Variants in RASGRF1 observed in about 807,000 individuals in gnomAD.
RASGRF1 encodes the protein ras-specific guanine nucleotide-releasing factor 1.
A neutral mutation model predicts 138.7 loss-of-function variants in RASGRF1; 40 were observed. The observed-to-expected ratio is 0.29, with a 90% confidence interval of 0.22 to 0.38. The LOEUF (loss-of-function observed/expected upper bound fraction) is 0.38. RASGRF1 is among the 10% of genes least tolerant of loss of function. The pLI is 1.00. For missense variants in RASGRF1, 1,108 were observed against 1,650.4 expected (o/e 0.67, Z 5.69); for synonymous variants, 614 against 663.2 (o/e 0.93, Z 1.14).
At chr15:79,011,626 C>T (rs2072306839) in intron 13 of RASGRF1, among the ~76,000 whole-genome samples, 3 of 152,178 alleles carry the variant, frequency 2.0e-5, no homozygotes, top group South Asian at 4.1e-4. Context: ...CGTCCCTATA[C>T]CAGAGAGAGG....
chr15:79,076,974 G>T lies in RASGRF1; in HGVS notation c.277-12448C>A, dbSNP rs1043631970. The stretch of plus-strand genomic sequence containing the variant: ...AATAGCAAAAGCCACAAAGAGGGTG[G>T]TATTGAATATACCCCTCAGGCATGG... On this transcript the variant is annotated intron_variant, in intron 1 of 26. Transcript: ENST00000558480. 3.9e-5 allele frequency among the ~76,000 whole-genome samples: 6 copies of T among 152,176 alleles called. No homozygotes were observed. The East Asian group carries it at 5.8e-4, about 15-fold the overall frequency.
At chr15:79,029,142 G>A (rs1176660440) in intron 8 of RASGRF1, among the ~76,000 whole-genome samples, 9 of 152,182 alleles carry the variant, frequency 5.9e-5, no homozygotes, top group Non-Finnish European at 1.3e-4. Flanking sequence ...AAATTCACTA[G>A]ACTAGCCCTT....
chr15:79,017,066 G>A (rs1332505744), intron 12 of RASGRF1, among the ~76,000 whole-genome samples: 1 of 152,194 alleles, frequency 6.6e-6, no homozygotes, highest in Non-Finnish European at 1.5e-5. Context: ...CTGTCCTGGG[G>A]CCTAAACCCC....
chr15:79,056,966 C>G lies in RASGRF1; in HGVS notation c.531+1368G>C, dbSNP rs1453187508. On this transcript the variant is annotated intron_variant, in intron 3 of 26. Transcript: ENST00000558480. Reference sequence around the variant, plus strand: ...TGAGCACACTGCAGGTTCTTGGAGCCTTGGTTCATGCATGTTCCTACCTCC... The same window carrying G: ...TGAGCACACTGCAGGTTCTTGGAGCGTTGGTTCATGCATGTTCCTACCTCC... Among the ~76,000 whole-genome samples, 4 of 152,200 alleles carry G rather than the reference C, an allele frequency of 2.6e-5. No individual in the cohort carries two copies. The East Asian group carries it at 7.7e-4, about 29-fold the overall frequency.
intron 15 of RASGRF1, among the ~76,000 whole-genome samples, chr15:79,002,665 T>C (rs1437635631): frequency 1.3e-5 from 2 of 152,228 alleles, no homozygotes; most frequent in Non-Finnish European, 2.9e-5. Flanking sequence ...TTGCGTTACA[T>C]TTCAGAATGT....
rs1244650863 is a variant in RASGRF1, at chr15:79,032,343, G to A, written c.959-27C>T. On this transcript the variant is annotated intron_variant, in intron 6 of 26. Coordinates refer to ENST00000558480, the MANE Select transcript of RASGRF1 (RefSeq NM_001145648.3). The surrounding 1 kb of genome is among the most constrained non-coding windows in gnomAD (Gnocchi z 4.5). ...TGGAAGGACGAGGCAGTCAGCGGGT[G>A]GCTAGGGCAGCTTGGTGGGGACAGA... 9 of 1,609,126 alleles carry A rather than the reference G, an allele frequency of 5.6e-6. No homozygotes were observed. The African/African-American group carries it at 1.2e-4, about 22-fold the overall frequency.
At chr15:79,019,091 A>C (rs963637064) in intron 11 of RASGRF1, among the ~76,000 whole-genome samples, 3 of 151,270 alleles carry the variant, frequency 2.0e-5, no homozygotes, top group African/African-American at 7.3e-5. Context: ...GTGTTTGCCA[A>C]GCGTGTGTGT....
intron 9 of RASGRF1, among the ~76,000 whole-genome samples, chr15:79,026,784 C>A (rs1166448756): frequency 1.3e-5 from 2 of 152,128 alleles, no homozygotes; most frequent in South Asian, 2.1e-4. Flanking sequence ...TCAGAGGGGG[C>A]CTAAAATACT....
intron 16 of RASGRF1, among the ~76,000 whole-genome samples, chr15:79,001,007 C>G (rs1039086763): frequency 9.2e-5 from 14 of 152,204 alleles, no homozygotes; most frequent in Admixed American, 7.9e-4. Context: ...GGAGCTCTCT[C>G]TCACCATTGG....
At chr15:78,989,865 C>T (rs999480902) in intron 22 of RASGRF1, among the ~76,000 whole-genome samples, 12 of 152,338 alleles carry the variant, frequency 7.9e-5, no homozygotes, top group African/African-American at 2.9e-4. Flanking sequence ...TCCGCAAAAA[C>T]CCTGCTCCGA....
At chr15:79,019,942 T>C (rs2056935455) in intron 11 of RASGRF1, 99 bp downstream of exon 11, 3 of 1,453,888 alleles carry the variant, frequency 2.1e-6, no homozygotes, top group African/African-American at 2.8e-5. Flanking sequence ...GCATCCTCCA[T>C]TCCTCCCAAA....
intron 26 of RASGRF1, among the ~76,000 whole-genome samples, chr15:78,964,286 T>C (rs1466241208): frequency 1.4e-4 from 22 of 152,116 alleles, no homozygotes. Context: ...GCGATTCTTC[T>C]GCCTCAGCAT....
chr15:78,962,673 A>G (rs8036861), intron 26 of RASGRF1, among the ~76,000 whole-genome samples: 7,880 of 152,234 alleles, frequency 0.052, 689 homozygotes, highest in African/African-American at 0.18. Context: ...GCTTGAGCCC[A>G]GGAGTTTGAA....
chr15:79,041,329 A>G (rs1472230686), intron 5 of RASGRF1, among the ~76,000 whole-genome samples: 1 of 152,260 alleles, frequency 6.6e-6, no homozygotes, highest in Admixed American at 6.5e-5. Context: ...TGCAATGCGA[A>G]TGGTGCTCCC....
intron 5 of RASGRF1, among the ~76,000 whole-genome samples, chr15:79,039,143 T>TA (rs35540115): frequency 0.28 from 41,446 of 150,506 alleles, 6,347 homozygotes; most frequent in Non-Finnish European, 0.36. Context: ...CTACAAAAAA[T>TA]AAAAAAAATT....
rs755336671 is a variant in RASGRF1, at chr15:79,058,314, A to AC, written c.531+19dup. ...GATGTTGTGCCTAGGGCCTGGGCCC[A>AC]CCCCCCAGCCCGCAGTCACCTCTGC... On this transcript the variant is annotated intron_variant, in intron 3 of 26. Transcript: ENST00000558480. The AC allele has an allele frequency of 1.2e-6, 2 of 1,608,442 alleles. No individual in the cohort carries two copies. The highest frequency in any genetic ancestry group is 1.1e-5 in the South Asian group (1 of 90,872).
Position 79,058,352 on chromosome 15 carries a change from G to A in RASGRF1, c.513C>T (p.Ile171=). Residue 171 remains isoleucine, a synonymous_variant, in exon 3 of 27, where the codon ATC becomes ATT. Coordinates refer to ENST00000558480, the MANE Select transcript of RASGRF1 (RefSeq NM_001145648.3). ...CAGTCACCTCTGCCTTCAGCCGCTC[G>A]ATCTCGATCTCCCCATCCTCGATCT... ...RQQIEDGEIE[I]ERLKAEITSL... is the part of the protein sequence containing the mutation. 6.2e-7 allele frequency: 1 copy of A among 1,613,746 alleles called. No homozygotes were observed. The highest frequency in any genetic ancestry group is 8.5e-7 in the Non-Finnish European group (1 of 1,180,004).
intron 11 of RASGRF1, 28 bp from the exon 12 acceptor site, chr15:79,017,934 A>C: frequency 6.2e-7 from 1 of 1,610,878 alleles, no homozygotes; most frequent in Non-Finnish European, 8.5e-7. Context: ...TAAAGTTAGC[A>C]GCATGAATGT....
In RASGRF1 at chr15:78,997,975, G is replaced by A. The variant is rs544454156; in HGVS notation, c.2966+121C>T. 308 of 790,770 alleles carry A rather than the reference G, an allele frequency of 3.9e-4. 5 individuals carry two copies. The South Asian group carries it at 4.5e-3, about 12-fold the overall frequency. 49.0% of individuals were successfully genotyped at this position (790,770 alleles called of 1,614,324 possible). On this transcript the variant is annotated intron_variant, in intron 19 of 26. Transcript: ENST00000558480. ...CCTCTACCCCAGCACTCCTACTTGG[G>A]GCTGTCCTTGACAAGGGCGCTCTTC...
Sources: gnomAD v4.1 joint callset for allele counts (sites outside exome capture counted in the v4.1 genomes callset) on GRCh38, gnomAD v4.1.1 for gene constraint, Gnocchi (gnomAD v3.1) non-coding constraint, MANE v1.5 for transcripts, NCBI Gene and HGNC (gene_info 2026-07-23, HGNC 2026-07-21) for gene names.